SNRPN: variants seen among roughly 807,000 people sequenced by gnomAD.
SNRPN encodes the protein small nuclear ribonucleoprotein polypeptide N.
In SNRPN, 7 loss-of-function variants were observed where a neutral mutation model predicts 25.2. The observed-to-expected ratio is 0.28, with a 90% CI of 0.16 to 0.52. The LOEUF is 0.52. SNRPN is among the 20% of genes least tolerant of loss of function. The pLI is 0.96. For missense variants in SNRPN, 196 were observed against 322.5 expected (o/e 0.61, Z 3.00); for synonymous variants, 124 against 110.6 (o/e 1.12, Z -0.76).
At chr15:24,824,716 A>G (rs74005356) in intron 1 of SNRPN, among the ~76,000 whole-genome samples, 6 of 152,124 alleles carry the variant, frequency 3.9e-5, no homozygotes, top group Non-Finnish European at 7.4e-5. Context: ...TGCTCCATTA[A>G]TGTCCATTGT....
intron 1 of SNRPN, among the ~76,000 whole-genome samples, chr15:24,883,587 T>TA (rs2056931616): frequency 6.6e-6 from 1 of 152,244 alleles, no homozygotes; most frequent in Admixed American, 6.5e-5. Flanking sequence ...GGCAATATCT[T>TA]ACACTCTATC....
At chr15:24,855,791 CAA>C (rs56081812), upstream of SNRPN, among the ~76,000 whole-genome samples, 153 of 71,956 alleles carry the variant, frequency 2.1e-3, no homozygotes, top group Middle Eastern at 7.7e-3. Context: ...GAATCTGTCT[CAA>C]AAAAAAAAAA....
chr15:24,976,416 T>C lies in SNRPN; in HGVS notation c.267T>C (p.Asp89=), dbSNP rs200092176. The change falls in exon 6 of 10, where the codon GAT becomes GAC. Residue 89 remains aspartate (D), a splice_region_variant and synonymous_variant. Coordinates refer to ENST00000390687, the MANE Select transcript of SNRPN (RefSeq NM_003097.6). Reference sequence around the variant, plus strand: ...CTGTGGAGGGGCCACCCCCCAAAGATGTAAGGAAGATGTAGGGCAGGACAG... The same window carrying C: ...CTGTGGAGGGGCCACCCCCCAAAGACGTAAGGAAGATGTAGGGCAGGACAG... ...SMTVEGPPPK[D]TGIARVPLAG... 442 of 1,596,594 alleles carry C rather than the reference T, an allele frequency of 2.8e-4. 2 individuals carry two copies. The African/African-American group carries it at 4.8e-3, about 17-fold the overall frequency.
chr15:24,969,278 AC>A (rs1169180132), intron 3 of SNRPN, among the ~76,000 whole-genome samples: 2 of 151,958 alleles, frequency 1.3e-5, no homozygotes, highest in African/African-American at 4.8e-5. Flanking sequence ...ATAGGCACCC[AC>A]CACCACACCT....
chr15:24,977,124 T>TTA, intron 7 of SNRPN, 95 bp downstream of exon 7: 1 of 974,098 alleles, frequency 1.0e-6, no homozygotes, highest in Middle Eastern at 3.0e-4. Flanking sequence ...TGTCATACAA[T>TTA]GTAAACAGCA....
chr15:24,933,332 G>T (rs558330321), intron 3 of SNRPN, among the ~76,000 whole-genome samples: 2 of 141,186 alleles, frequency 1.4e-5, no homozygotes, highest in African/African-American at 5.0e-5. Context: ...CTGGAGGGCG[G>T]CTGGTTTAAA....
chr15:24,884,516 C>T (rs942293125), intron 1 of SNRPN, among the ~76,000 whole-genome samples: 33 of 152,144 alleles, frequency 2.2e-4, no homozygotes, highest in Non-Finnish European at 3.1e-4. Context: ...CTTAGCCCAT[C>T]CTTGCTCTGC....
At chr15:24,907,065 G>C (rs183289839) in intron 2 of SNRPN, among the ~76,000 whole-genome samples, 42 of 152,234 alleles carry the variant, frequency 2.8e-4, no homozygotes, top group Admixed American at 1.2e-3. Context: ...GAGGTGGACA[G>C]AGTTGGCAAA....
chr15:24,844,456 GTCTT>G (rs2052010301), intron 2 of SNRPN, among the ~76,000 whole-genome samples: 1 of 151,934 alleles, frequency 6.6e-6, no homozygotes, highest in Non-Finnish European at 1.5e-5. Context: ...GTGCCATCTC[GTCTT>G]TCTCTTAACA....
chr15:24,957,600 TC>T (rs2063138574), intron 1 of SNRPN, among the ~76,000 whole-genome samples: 1 of 152,222 alleles, frequency 6.6e-6, no homozygotes, highest in South Asian at 2.1e-4. Context: ...AACTGGTATG[TC>T]TGGTTGCACT....
intron 1 of SNRPN, among the ~76,000 whole-genome samples, chr15:24,878,385 TG>T (rs1473806709): frequency 6.7e-6 from 1 of 149,856 alleles, no homozygotes; most frequent in Non-Finnish European, 1.5e-5. Context: ...ACCTGACAGT[TG>T]GGGAGAACGG....
rs372077196 is a variant in SNRPN at position 24,971,155 on chromosome 15, TAC to T, written c.-144+3075_-144+3076del. On this transcript the variant is annotated intron_variant, in intron 3 of 9. Coordinates refer to ENST00000390687, the MANE Select transcript of SNRPN (RefSeq NM_003097.6). ...TATGTAGTTTAATCATTTGAAAGTC[TAC>T]AGTTTCCTAAAGTTTGAAAACTTGT... Among the ~76,000 whole-genome samples, 334 of 152,314 alleles carry T rather than the reference TAC, an allele frequency of 2.2e-3. 2 individuals carry two copies. Among genetic ancestry groups the T allele is most frequent in the African/African-American group, 7.9e-3 (327 of 41,566 alleles).
chr15:24,866,483 G>C (rs1437884411), intron 1 of SNRPN, among the ~76,000 whole-genome samples: 1 of 152,068 alleles, frequency 6.6e-6, no homozygotes, highest in Non-Finnish European at 1.5e-5. Context: ...CTGCAGTGTA[G>C]ACCTCCTGAG....
chr15:24,939,198 T>C (rs1399298518), intron 3 of SNRPN, among the ~76,000 whole-genome samples: 1 of 152,142 alleles, frequency 6.6e-6, no homozygotes, highest in Non-Finnish European at 1.5e-5. Flanking sequence ...CCTACCAACA[T>C]TATACAAGGT....
At chr15:24,832,257 A>G (rs1439817544) in intron 2 of SNRPN, among the ~76,000 whole-genome samples, 1 of 151,610 alleles carries the variant, frequency 6.6e-6, no homozygotes, top group Non-Finnish European at 1.5e-5. Flanking sequence ...TCATATTTAT[A>G]CAGATTTCCA....
intron 2 of SNRPN, among the ~76,000 whole-genome samples, chr15:24,919,126 G>A (rs1169581801): frequency 2.0e-5 from 3 of 150,314 alleles, no homozygotes; most frequent in Non-Finnish European, 3.0e-5. Context: ...TTTTATGTGT[G>A]TGCGTTAAAA....
chr15:24,975,592 G>A, intron 5 of SNRPN, 83 bp downstream of exon 5: 1 of 1,145,322 alleles, frequency 8.7e-7, no homozygotes, highest in Non-Finnish European at 1.3e-6. Flanking sequence ...GATTTCCGAG[G>A]GTAACTGAAG....
At chr15:24,963,788 C>T (rs2075218118) in intron 2 of SNRPN, among the ~76,000 whole-genome samples, 1 of 151,860 alleles carries the variant, frequency 6.6e-6, no homozygotes, top group Admixed American at 6.6e-5. Context: ...CCTCTAATCC[C>T]AGCATGTTGG....
intron 2 of SNRPN, among the ~76,000 whole-genome samples, chr15:24,964,266 A>G (rs981332350): frequency 2.0e-4 from 31 of 152,158 alleles, no homozygotes; most frequent in African/African-American, 7.5e-4. Flanking sequence ...TCCTTTATAT[A>G]TAATAGGTTA....
Sources: gnomAD v4.1 joint callset for allele counts (sites outside exome capture counted in the v4.1 genomes callset) on GRCh38, gnomAD v4.1.1 for gene constraint, MANE v1.5 for transcripts, NCBI Gene and HGNC (gene_info 2026-07-23, HGNC 2026-07-21) for gene names.